Variants in IRS1 observed in about 807,000 individuals in gnomAD.
IRS1 encodes insulin receptor substrate 1.
Under a neutral mutation model 65.6 loss-of-function variants are expected in IRS1, and 34 were observed. That is an observed-to-expected ratio of 0.52 (90% CI 0.39 to 0.69). The LOEUF is 0.69. Ranked by LOEUF, IRS1 falls within the 30% of genes least tolerant of loss-of-function variation. IRS1 has a pLI of 0.00. For missense variants in IRS1, 1,641 were observed against 1,720.2 expected (o/e 0.95, Z 0.81); for synonymous variants, 699 against 683.5 (o/e 1.02, Z -0.35).
intron 1 of IRS1, among the ~76,000 whole-genome samples, chr2:226,789,566 C>A (rs1186178031): frequency 2.0e-5 from 3 of 152,218 alleles, no homozygotes; most frequent in African/African-American, 4.8e-5. Flanking sequence ...AAATGGCTGT[C>A]TCACTGAAGA....
rs1318185835 is a variant in IRS1 at position 226,796,064 on chromosome 2, C to T, written c.2675G>A (p.Ser892Asn). The T allele has an allele frequency of 2.5e-6, 4 of 1,614,006 alleles. No individual in the cohort carries two copies. The highest frequency in any genetic ancestry group is 3.4e-6 in the Non-Finnish European group (4 of 1,180,032). Residue 892 changes from serine (S) to asparagine (N), a missense_variant, in exon 1 of 2, where the codon AGC becomes AAC. Transcript: ENST00000305123. ...TTCAATATTGACATATTCCCCCGGG[C>T]TCTTGGGCTCTGGAGGGTGCAGCAA... Reference protein sequence around the residue: ...QPLLHPPEPKSPGEYVNIEFG... With the variant: ...QPLLHPPEPKNPGEYVNIEFG...
intron 1 of IRS1, among the ~76,000 whole-genome samples, chr2:226,768,366 G>A (rs1447128068): frequency 6.6e-6 from 1 of 152,048 alleles, no homozygotes; most frequent in African/African-American, 2.4e-5. Flanking sequence ...ATGTGTCTAG[G>A]CACATAGCAA....
Position 226,796,041 on chromosome 2 carries a change from C to T in IRS1, c.2698G>A (p.Glu900Lys). 1 of 1,614,148 alleles carries T rather than the reference C, an allele frequency of 6.2e-7. No homozygotes were observed. Among genetic ancestry groups the T allele is most frequent in the Non-Finnish European group, 8.5e-7 (1 of 1,180,040 alleles). ...TAGCCAGACTGATCACTCCCAAATT[C>T]AATATTGACATATTCCCCCGGGCTC... ...PKSPGEYVNIEFGSDQSGYLS... is the reference protein window; with the variant it reads ...PKSPGEYVNIKFGSDQSGYLS... The change falls in exon 1 of 2, where the codon GAA becomes AAA. Residue 900 changes from glutamate (E) to lysine (K), a missense_variant. Glu to Lys is a moderately conservative substitution (Grantham distance 56, BLOSUM62 1). This residue lies in a region of IRS1 where 1,324 missense variants were observed against 1,361.0 expected (regional missense o/e 0.97). Coordinates refer to ENST00000305123, the MANE Select transcript of IRS1 (RefSeq NM_005544.3).
At chr2:226,748,295 G>A (rs1938596651) in intron 1 of IRS1, among the ~76,000 whole-genome samples, 1 of 151,630 alleles carries the variant, frequency 6.6e-6, no homozygotes, top group African/African-American at 2.4e-5. Context: ...CAGGCATGGT[G>A]GTGCACATCT....
intron 1 of IRS1, among the ~76,000 whole-genome samples, chr2:226,758,913 C>A (rs754229817): frequency 2.0e-5 from 3 of 152,186 alleles, no homozygotes; most frequent in Non-Finnish European, 2.9e-5. Flanking sequence ...TCTTTCAAGA[C>A]CTTCTTGTAA....
rs759469223 is a variant in IRS1 at position 226,753,719 on chromosome 2, A to G, written c.*22-17469T>C. On this transcript the variant is annotated intron_variant, in intron 1 of 1. Coordinates refer to ENST00000305123, the MANE Select transcript of IRS1 (RefSeq NM_005544.3). ...AAGGAGAAGTAATTTCAGCCAAATC[A>G]AAGATAATGGACTCTGAAGTCTTTG... Among the ~76,000 whole-genome samples the G allele has an allele frequency of 5.5e-4, 84 of 152,222 alleles. 1 individual carries two copies. Among genetic ancestry groups the G allele is most frequent in the Non-Finnish European group, 1.5e-4 (10 of 68,034 alleles).
At chr2:226,758,223 G>C (rs1938843886) in intron 1 of IRS1, among the ~76,000 whole-genome samples, 2 of 152,086 alleles carry the variant, frequency 1.3e-5, no homozygotes. Context: ...GGAATTGGTG[G>C]ATGAATGTTA....
rs779946052 is a variant in IRS1, at chr2:226,798,189, G to T, written c.550C>A (p.Arg184Ser). Residue 184 changes from arginine to serine, a missense_variant, in exon 1 of 2, where the codon CGC (arginine) becomes AGC (serine). Coordinates refer to ENST00000305123, the MANE Select transcript of IRS1 (RefSeq NM_005544.3). This position sits in a 1 kb window ranked among gnomAD's most constrained non-coding sequence, Gnocchi z 9.4. ...GQTKNLIGIY[R>S]LCLTSKTISF... ...ATGGTCTTGCTGGTCAGGCAAAGGC[G>T]GTAGATACCAATCAGGTTCTTTGTC... is the stretch of plus-strand genomic sequence containing the variant. The T allele has an allele frequency of 6.2e-7, 1 of 1,613,830 alleles. No homozygotes were observed.
chr2:226,770,512 C>A (rs1420598595), intron 1 of IRS1, among the ~76,000 whole-genome samples: 1 of 152,136 alleles, frequency 6.6e-6, no homozygotes, highest in Non-Finnish European at 1.5e-5. Flanking sequence ...CTATTCCCAG[C>A]AAATAGTAAA....
rs1939729882 is a variant in IRS1 at position 226,796,506 on chromosome 2, T to C, written c.2233A>G (p.Ser745Gly). The change falls in exon 1 of 2, where the codon AGC (serine) becomes GGC (glycine). Residue 745 changes from serine to glycine, a missense_variant. Physicochemically the swap from Ser to Gly is moderately conservative, Grantham distance 56. This residue lies in a region of IRS1 where 1,324 missense variants were observed against 1,361.0 expected (regional missense o/e 0.97). Transcript: ENST00000305123. ...MSPVGDSNTS[S>G]PSDCYYGPED... Reference sequence around the variant, plus strand: ...GGGCCGTAGTAGCAGTCGGAGGGGCTGCTGGTGTTGGAGTCCCCCACTGGT... The same window carrying C: ...GGGCCGTAGTAGCAGTCGGAGGGGCCGCTGGTGTTGGAGTCCCCCACTGGT... The C allele has an allele frequency of 6.2e-7, 1 of 1,613,876 alleles. No individual in the cohort carries two copies.
intron 1 of IRS1, among the ~76,000 whole-genome samples, chr2:226,787,723 C>A (rs1358391332): frequency 6.6e-6 from 1 of 151,694 alleles, no homozygotes; most frequent in African/African-American, 2.4e-5. Context: ...ATCTTCTGAT[C>A]TTCTGATTGT....
chr2:226,775,944 C>G (rs1464492679), intron 1 of IRS1, among the ~76,000 whole-genome samples: 1 of 149,554 alleles, frequency 6.7e-6, no homozygotes, highest in Non-Finnish European at 1.5e-5. Flanking sequence ...TTTTTTTTTT[C>G]CTTGAATAGT....
chr2:226,797,165 G>A lies in IRS1; in HGVS notation c.1574C>T (p.Thr525Ile). ...GGTAGGGGATGTGCCTGCCGAGTGA[G>A]TTCTCTTTCGGAACCGATTATCCAG... Reference protein sequence around the residue: ...ADLDNRFRKRTHSAGTSPTIT... With the variant: ...ADLDNRFRKRIHSAGTSPTIT... Residue 525 changes from threonine (T) to isoleucine (I), a missense_variant, in exon 1 of 2, where the codon ACT (threonine) becomes ATT (isoleucine). By Grantham distance (89) the Thr-to-Ile change is moderately conservative (BLOSUM62 -1). This residue lies in a region of IRS1 where 1,324 missense variants were observed against 1,361.0 expected (regional missense o/e 0.97). Transcript: ENST00000305123. The surrounding 1 kb of genome is among the most constrained non-coding windows in gnomAD (Gnocchi z 8.1). 6.2e-7 allele frequency: 1 copy of A among 1,613,996 alleles called. No homozygotes were observed. The highest frequency in any genetic ancestry group is 2.2e-5 in the East Asian group (1 of 44,872).
intron 1 of IRS1, among the ~76,000 whole-genome samples, chr2:226,791,652 C>G (rs566498944): frequency 6.6e-6 from 1 of 152,016 alleles, no homozygotes; most frequent in Non-Finnish European, 1.5e-5. Context: ...CCGCCACCAC[C>G]GCCAGGGGAC....
At chr2:226,786,298 G>C (rs1939486209) in intron 1 of IRS1, among the ~76,000 whole-genome samples, 1 of 152,110 alleles carries the variant, frequency 6.6e-6, no homozygotes, top group African/African-American at 2.4e-5. Context: ...TTGATCACTA[G>C]AAACTTTGTG....
At position 226,797,077 on chromosome 2, in the gene IRS1, C is replaced by T. The variant is rs1328903394; in HGVS notation, c.1662G>A (p.Met554Ile). Reference protein sequence around the residue: ...SVASIEEYTEMMPAYPPGGGS... With the variant: ...SVASIEEYTEIMPAYPPGGGS... Reference sequence around the variant, plus strand: ...CACCTCCTGGTGGGTAGGCAGGCATCATCTCTGTGTACTCCTCAATGGAAG... The same window carrying T: ...CACCTCCTGGTGGGTAGGCAGGCATTATCTCTGTGTACTCCTCAATGGAAG... The change falls in exon 1 of 2, where the codon ATG becomes ATA. Residue 554 changes from methionine (M) to isoleucine (I), a missense_variant. Transcript: ENST00000305123. The surrounding 1 kb of genome is among the most constrained non-coding windows in gnomAD (Gnocchi z 8.1). The T allele has an allele frequency of 1.9e-6, 3 of 1,612,920 alleles. No individual in the cohort carries two copies. The highest frequency in any genetic ancestry group is 2.7e-5 in the African/African-American group (2 of 74,910).
intron 1 of IRS1, among the ~76,000 whole-genome samples, chr2:226,777,065 T>C (rs1479195261): frequency 1.3e-5 from 2 of 152,154 alleles, no homozygotes; most frequent in African/African-American, 2.4e-5. Context: ...ATATAATGAT[T>C]AAATGCCATG....
Position 226,795,124 on chromosome 2 carries a change from TG to T in IRS1, c.3614del (p.Pro1205HisfsTer22). 1 of 149,354 alleles carries T rather than the reference TG, an allele frequency of 6.7e-6. No homozygotes were observed. Among genetic ancestry groups the T allele is most frequent in the Non-Finnish European group, 1.3e-5 (1 of 76,968 alleles). The allele number at this position is 149,354 out of a possible 1,614,324, so 9.3% of individuals were successfully genotyped here. Reference protein sequence around the residue: ...CTPEPQPPPPPPPHQPLGSGE... With the variant: ...CTPEPQPPPPXPPHQPLGSGE... ...CGCTGCCCAGGGGTTGATGAGGGGG[TG>T]GGGGTGGGGGAGGCTGCGGTTCAGG... On this transcript the variant is annotated frameshift_variant, in exon 1 of 2. Coordinates refer to ENST00000305123, the MANE Select transcript of IRS1 (RefSeq NM_005544.3). LOFTEE classifies it high-confidence loss of function.
Position 226,795,311 on chromosome 2 carries a change from G to C in IRS1, c.3428C>G (p.Ser1143Cys). The C allele has an allele frequency of 6.2e-7, 1 of 1,613,804 alleles. No individual in the cohort carries two copies. The highest frequency in any genetic ancestry group is 8.5e-7 in the Non-Finnish European group (1 of 1,180,024). Residue 1143 changes from serine (S) to cysteine (C), a missense_variant, in exon 1 of 2, where the codon TCT (serine) becomes TGT (cysteine). Transcript: ENST00000305123. ...CAGCCACACATTCTCAAAGGAAGCA[G>C]AGCTGTGGCGTTTCACATCCTCGCT... ...SSSEDVKRHS[S>C]ASFENVWLRP...
Sources: allele counts gnomAD v4.1 joint callset (sites outside exome capture counted in the v4.1 genomes callset), GRCh38; gene constraint gnomAD v4.1.1; regional missense constraint gnomAD v4.1.1; non-coding constraint Gnocchi (gnomAD v3.1); transcripts MANE v1.5; gene names NCBI Gene and HGNC (gene_info 2026-07-23, HGNC 2026-07-21).